ABCG1: variants seen among roughly 807,000 people sequenced by gnomAD.
The protein encoded by ABCG1 is ATP binding cassette subfamily G member 1.
ABCG1 carries 29 observed loss-of-function variants against 69.2 expected under a neutral mutation model. That is an observed-to-expected ratio of 0.42 (90% CI 0.31 to 0.57). The LOEUF (loss-of-function observed/expected upper bound fraction) is 0.57, where lower values mean the gene tolerates loss of function less well. ABCG1 is among the 20% of genes least tolerant of loss of function. ABCG1 has a pLI of 0.15. For missense variants in ABCG1, 718 were observed against 898.1 expected (o/e 0.80, Z 2.56); for synonymous variants, 370 against 374.8 (o/e 0.99, Z 0.15).
At chr21:42,259,092 C>G (rs1256346201) in intron 2 of ABCG1, among the ~76,000 whole-genome samples, 1 of 152,212 alleles carries the variant, frequency 6.6e-6, no homozygotes, top group Non-Finnish European at 1.5e-5. Flanking sequence ...TGTTTTCCCC[C>G]AAGAACACAG....
intron 13 of ABCG1, among the ~76,000 whole-genome samples, chr21:42,293,603 T>TACACACCACACACTACAC (rs1171398176): frequency 0.019 from 1,732 of 89,722 alleles, 34 homozygotes; most frequent in Non-Finnish European, 0.02. Flanking sequence ...CACTACACAG[T>TACACACCACACACTACAC]ACACACCACA....
chr21:42,293,891 CCACACCA>C (rs958698132), intron 13 of ABCG1, among the ~76,000 whole-genome samples: 7 of 149,002 alleles, frequency 4.7e-5, no homozygotes, highest in African/African-American at 7.4e-5. Context: ...ACCACACACT[CCACACCA>C]CACACCACAC....
At chr21:42,285,820 C>T (rs1352174187) in intron 7 of ABCG1, 60 bp from the exon 8 acceptor site, 2 of 1,143,644 alleles carry the variant, frequency 1.7e-6, no homozygotes, top group Non-Finnish European at 2.7e-6. Flanking sequence ...TGATTGAGGG[C>T]TCCGGTTGCC....
At chr21:42,201,733 G>C in intron 2 of ABCG1, 1 of 1,613,886 alleles carries the variant, frequency 6.2e-7, no homozygotes. Flanking sequence ...GGTGTGGTCA[G>C]AAGAGACAGG....
chr21:42,213,024 A>C (rs547532784), upstream of ABCG1, among the ~76,000 whole-genome samples: 1 of 152,372 alleles, frequency 6.6e-6, no homozygotes, highest in Admixed American at 6.5e-5. Context: ...AAAAGGAGGC[A>C]GAACTTGCAG....
intron 2 of ABCG1, chr21:42,256,454 T>C: frequency 6.5e-7 from 1 of 1,549,332 alleles, no homozygotes; most frequent in Admixed American, 2.0e-5. Context: ...GGCCGCAGAG[T>C]ATCCACACCC....
intron 2 of ABCG1, among the ~76,000 whole-genome samples, chr21:42,242,325 G>A (rs1411127801): frequency 2.0e-5 from 3 of 152,200 alleles, no homozygotes; most frequent in South Asian, 2.1e-4. Flanking sequence ...GCAACATAGC[G>A]AGACGCTGTC....
At chr21:42,262,918 C>T (rs893125992) in intron 2 of ABCG1, among the ~76,000 whole-genome samples, 11 of 152,334 alleles carry the variant, frequency 7.2e-5, no homozygotes, top group South Asian at 4.1e-4. Context: ...TGGTGAGGCC[C>T]GTTCTGTGAC....
In ABCG1 at chr21:42,288,830, A is replaced by G. The variant is rs1485954253; in HGVS notation, c.1224+518A>G. 6.6e-6 allele frequency among the ~76,000 whole-genome samples: 1 copy of G among 152,232 alleles called. No individual in the cohort carries two copies. Among genetic ancestry groups the G allele is most frequent in the African/African-American group, 2.4e-5 (1 of 41,454 alleles). On this transcript the variant is annotated intron_variant, in intron 10 of 14. Coordinates refer to ENST00000398449, the MANE Select transcript of ABCG1 (RefSeq NM_016818.3). This position sits in a 1 kb window ranked among gnomAD's most constrained non-coding sequence, Gnocchi z 4.8. ...CCTGAGCCTGGGGAATTTATAAAGA[A>G]AAGAGGTTTAATTGGCTCATTGTTC...
At chr21:42,201,516 AG>A in intron 1 of ABCG1, 2 of 1,152,436 alleles carry the variant, frequency 1.7e-6, no homozygotes, top group South Asian at 3.0e-5. Flanking sequence ...TGACAGGGTG[AG>A]CTACCCTGAG....
intron 2 of ABCG1, among the ~76,000 whole-genome samples, chr21:42,246,894 C>T (rs557922535): frequency 1.3e-5 from 2 of 152,116 alleles, no homozygotes; most frequent in African/African-American, 4.8e-5. Flanking sequence ...AAGTCTCAGG[C>T]AACCAGACTG....
intron 2 of ABCG1, among the ~76,000 whole-genome samples, chr21:42,207,731 G>T (rs377758659): frequency 6.6e-6 from 1 of 152,224 alleles, no homozygotes; most frequent in African/African-American, 2.4e-5. Flanking sequence ...CATTACCACT[G>T]GATGGGGGTT....
intron 2 of ABCG1, among the ~76,000 whole-genome samples, chr21:42,253,059 C>T (rs2068248165): frequency 1.3e-5 from 2 of 152,142 alleles, no homozygotes; most frequent in African/African-American, 4.8e-5. Context: ...CAGGGAGGGT[C>T]ATGGTCAGAG....
At position 42,296,648 on chromosome 21, in the gene ABCG1, A is replaced by T. The variant is rs1167355033; in HGVS notation, c.*256A>T. The T allele has an allele frequency of 6.3e-6, 3 of 478,550 alleles. No homozygotes were observed. The highest frequency in any genetic ancestry group is 5.9e-5 in the African/African-American group (3 of 51,132). 29.6% of individuals were successfully genotyped at this position (478,550 alleles called of 1,614,324 possible). A position where few individuals can be genotyped will look rare whatever the true frequency, so the allele number is the denominator to read the frequency against. ...GGTTTTTTTTTTTTTAACATACAGA[A>T]TTTTAAATACCACAACTGGGGCAGA... On this transcript the variant is annotated 3_prime_UTR_variant, in exon 15 of 15. Coordinates refer to ENST00000398449, the MANE Select transcript of ABCG1 (RefSeq NM_016818.3). This position sits in a 1 kb window ranked among gnomAD's most constrained non-coding sequence, Gnocchi z 5.4.
At chr21:42,263,643 T>C (rs2068450692) in intron 2 of ABCG1, among the ~76,000 whole-genome samples, 2 of 152,246 alleles carry the variant, frequency 1.3e-5, no homozygotes, top group Non-Finnish European at 2.9e-5. Flanking sequence ...GGTTTCCTGA[T>C]GACTTCTGTC....
In ABCG1 at chr21:42,200,113, C is replaced by T. The variant is rs187767417; in HGVS notation, c.-100+264C>T. On this transcript the variant is annotated intron_variant, in intron 1 of 15. Coordinates refer to the ABCG1 transcript ENST00000398457. ...CGACATGAGGGAGAGAAAGGGGGAC[C>T]CTGAGGACTTGGGGTCCGGTGTGAG... Among the ~76,000 whole-genome samples, 576 of 152,226 alleles carry T rather than the reference C, an allele frequency of 3.8e-3. 3 individuals carry two copies. The highest frequency in any genetic ancestry group is 6.8e-3 in the Middle Eastern group (2 of 294).
chr21:42,224,225 T>G (rs564925829), intron 1 of ABCG1, among the ~76,000 whole-genome samples: 4 of 152,266 alleles, frequency 2.6e-5, no homozygotes, highest in East Asian at 1.9e-4. Context: ...TTGGTGTTTT[T>G]GGGGCTCTTT....
Position 42,291,140 on chromosome 21 carries a change from A to G in ABCG1, c.1442A>G (p.Tyr481Cys), listed in dbSNP as rs765239212. Reference sequence around the variant, plus strand: ...CTTCGGGAACACCTGAACTACTGGTACAGCCTGAAGGCCTACTACCTGGCC... The same window carrying G: ...CTTCGGGAACACCTGAACTACTGGTGCAGCCTGAAGGCCTACTACCTGGCC... ...VFLREHLNYW[Y>C]SLKAYYLAKT... Residue 481 changes from tyrosine to cysteine, a missense_variant, in exon 12 of 15, where the codon TAC becomes TGC. Tyr to Cys is a radical substitution (Grantham distance 194). Around this residue, in one of 2 missense-constraint regions of ABCG1, gnomAD observed 204 missense variants for 323.8 expected, o/e 0.63. Transcript: ENST00000398449. The surrounding 1 kb of genome is among the most constrained non-coding windows in gnomAD (Gnocchi z 6.4). 1 of 1,614,190 alleles carries G rather than the reference A, an allele frequency of 6.2e-7. No individual in the cohort carries two copies. Among genetic ancestry groups the G allele is most frequent in the East Asian group, 2.2e-5 (1 of 44,884 alleles).
intron 14 of ABCG1, chr21:42,294,971 T>G: frequency 3.1e-6 from 1 of 320,184 alleles, no homozygotes; most frequent in Non-Finnish European, 6.1e-6. Flanking sequence ...GGAACGTTCT[T>G]CCTCCCCGAA....
Sources: gnomAD v4.1 joint callset for allele counts (sites outside exome capture counted in the v4.1 genomes callset) on GRCh38, gnomAD v4.1.1 for gene constraint, gnomAD v4.1.1 regional missense constraint, Gnocchi (gnomAD v3.1) non-coding constraint, MANE v1.5 for transcripts, NCBI Gene and HGNC (gene_info 2026-07-23, HGNC 2026-07-21) for gene names.